Variants in GIMAP8 observed in about 807,000 individuals in gnomAD.
GIMAP8 encodes the protein GTPase IMAP family member 8.
In GIMAP8, 29 loss-of-function variants were observed where a neutral mutation model predicts 35.6. The observed-to-expected ratio is 0.81, with a 90% CI of 0.61 to 1.11. GIMAP8 has a LOEUF of 1.11. GIMAP8 is among the 50% of genes most tolerant of loss of function. The pLI is 0.00. For missense variants in GIMAP8, 811 were observed against 805.0 expected, an observed-to-expected ratio of 1.01 and a Z score of -0.09; for synonymous variants, 335 against 308.7, an observed-to-expected ratio of 1.09 and a Z score of -0.89.
chr7:150,454,076 G>A (rs993765938), intron 1 of GIMAP8, among the ~76,000 whole-genome samples: 1 of 152,126 alleles, frequency 6.6e-6, no homozygotes, highest in African/African-American at 2.4e-5. Context: ...GTCTGCAAGG[G>A]ACAATGCCCC....
chr7:150,476,926 G>A (rs1409992407), intron 4 of GIMAP8, among the ~76,000 whole-genome samples, 166 bp from the exon 5 acceptor site: 3 of 152,346 alleles, frequency 2.0e-5, no homozygotes, highest in Middle Eastern at 3.4e-3. Context: ...ACTGGGCCAA[G>A]TCATTCCCGT....
intron 1 of GIMAP8, among the ~76,000 whole-genome samples, chr7:150,456,240 A>G (rs957038553): frequency 3.9e-5 from 6 of 152,210 alleles, no homozygotes; most frequent in Non-Finnish European, 5.9e-5. Flanking sequence ...CTTAGTGGCT[A>G]AAACCCCACC....
intron 1 of GIMAP8, among the ~76,000 whole-genome samples, chr7:150,452,600 T>C (rs1043658282): frequency 6.8e-6 from 1 of 147,718 alleles, no homozygotes; most frequent in Non-Finnish European, 1.5e-5. Flanking sequence ...TATATATGTA[T>C]ATATGTATGT....
Position 150,466,832 on chromosome 7 carries a change from T to C in GIMAP8, c.134T>C (p.Val45Ala). 4 of 1,614,230 alleles carry C rather than the reference T, an allele frequency of 2.5e-6. No homozygotes were observed. Among genetic ancestry groups the C allele is most frequent in the Non-Finnish European group, 3.4e-6 (4 of 1,180,030 alleles). The change falls in exon 2 of 5, where the codon GTG (valine) becomes GCG (alanine). Residue 45 changes from valine (V) to alanine (A), a missense_variant. By Grantham distance (64) the Val-to-Ala change is moderately conservative (BLOSUM62 0). Coordinates refer to ENST00000307271, the MANE Select transcript of GIMAP8 (RefSeq NM_175571.4). Reference sequence around the variant, plus strand: ...AAGTCCAAGTTCAGTGATCAGACAGTGATCAAAATGTGCCAGAGAGAGAGT... The same window carrying C: ...AAGTCCAAGTTCAGTGATCAGACAGCGATCAAAATGTGCCAGAGAGAGAGT... Reference protein sequence around the residue: ...VFKSKFSDQTVIKMCQRESWV... With the variant: ...VFKSKFSDQTAIKMCQRESWV...
At chr7:150,466,034 T>C (rs774362386) in intron 1 of GIMAP8, among the ~76,000 whole-genome samples, 4 of 152,220 alleles carry the variant, frequency 2.6e-5, no homozygotes, top group Non-Finnish European at 5.9e-5. Context: ...ACCATGGTCA[T>C]ACCCACCACA....
chr7:150,462,061 G>A (rs1472009794), intron 1 of GIMAP8, among the ~76,000 whole-genome samples: 2 of 152,176 alleles, frequency 1.3e-5, no homozygotes, highest in African/African-American at 4.8e-5. Flanking sequence ...ATCTCACAAA[G>A]TACATTCTCA....
At chr7:150,466,556 T>C in intron 1 of GIMAP8, 115 bp from the exon 2 acceptor site, 1 of 837,138 alleles carries the variant, frequency 1.2e-6, no homozygotes, top group Admixed American at 2.8e-5. Flanking sequence ...AGAACTTCAG[T>C]AGCTCAAATT....
Position 150,467,253 on chromosome 7 carries a change from C to T in GIMAP8, c.555C>T (p.Leu185=). The change falls in exon 2 of 5, where the codon CTC becomes CTT. Residue 185 remains leucine (L), a synonymous_variant. Coordinates refer to ENST00000307271, the MANE Select transcript of GIMAP8 (RefSeq NM_175571.4). ...AGCAGATCACCCAGGTGTTGGAGCT[C>T]CTTCGCAAGGTTGAGTCTTTGGTGA... ...KDEQITQVLE[L]LRKVESLVNT... The T allele has an allele frequency of 1.9e-6, 3 of 1,614,224 alleles. No homozygotes were observed. Among genetic ancestry groups the T allele is most frequent in the Non-Finnish European group, 1.7e-6 (2 of 1,180,038 alleles).
intron 3 of GIMAP8, among the ~76,000 whole-genome samples, 168 bp from the exon 4 acceptor site, chr7:150,473,844 G>A (rs1376474981): frequency 6.6e-6 from 1 of 152,088 alleles, no homozygotes; most frequent in African/African-American, 2.4e-5. Context: ...GCCCCTGTTT[G>A]TGGCTTTCAC....
rs1283670036 is a variant in GIMAP8, at chr7:150,472,430, C to G, written c.682+1556C>G. ...GGCAATGCTGTTGTTTTTGTGTGCT[C>G]AGATACGATTGCAGAGTGGTTGTGG... On this transcript the variant is annotated intron_variant, in intron 3 of 4. Transcript: ENST00000307271. This position sits in a 1 kb window ranked among gnomAD's most constrained non-coding sequence, Gnocchi z 4.1. Among the ~76,000 whole-genome samples the G allele has an allele frequency of 6.6e-6, 1 of 152,170 alleles. No individual in the cohort carries two copies. The highest frequency in any genetic ancestry group is 6.5e-5 in the Admixed American group (1 of 15,276).
rs1282959747 is a variant in GIMAP8, at chr7:150,477,167, T to C, written c.1385T>C (p.Leu462Pro). ...ACCGGGAACTCTATCCTGGGGAGCC[T>C]CGTCTTCACCTCTCGGCTCCGGGCC... Reference protein sequence around the residue: ...SATGNSILGSLVFTSRLRAQP... With the variant: ...SATGNSILGSPVFTSRLRAQP... Residue 462 changes from leucine (L) to proline (P), a missense_variant, in exon 5 of 5, where the codon CTC (leucine) becomes CCC (proline). Transcript: ENST00000307271. 9 of 1,613,818 alleles carry C rather than the reference T, an allele frequency of 5.6e-6. No homozygotes were observed. In the East Asian group the frequency reaches 2.0e-4, roughly 36 times the overall value.
Position 150,477,232 on chromosome 7 carries a change from T to C in GIMAP8, c.1450T>C (p.Trp484Arg), listed in dbSNP as rs746420800. 3 of 1,613,984 alleles carry C rather than the reference T, an allele frequency of 1.9e-6. No individual in the cohort carries two copies. The highest frequency in any genetic ancestry group is 2.2e-5 in the East Asian group (1 of 44,868). Residue 484 changes from tryptophan (W) to arginine (R), a missense_variant, in exon 5 of 5, where the codon TGG becomes CGG. Coordinates refer to ENST00000307271, the MANE Select transcript of GIMAP8 (RefSeq NM_175571.4). Reference sequence around the variant, plus strand: ...GACCAGCCAGAGTGGCAGGAGGACATGGGACGGACAGGAGGTGGTGGTTGT... The same window carrying C: ...GACCAGCCAGAGTGGCAGGAGGACACGGGACGGACAGGAGGTGGTGGTTGT... ...TKTSQSGRRT[W>R]DGQEVVVVDT...
In GIMAP8 at chr7:150,467,121, T is replaced by C. The variant is rs1262077421; in HGVS notation, c.423T>C (p.Asp141=). Reference sequence around the variant, plus strand: ...TCACTCGGAAGGATGATTTGGGGGATGACTTGCTGCAAGATTTCATTGAAA... The same window carrying C: ...TCACTCGGAAGGATGATTTGGGGGACGACTTGCTGCAAGATTTCATTGAAA... ...IVFTRKDDLG[D]DLLQDFIEKN... Residue 141 remains aspartate, a synonymous_variant, in exon 2 of 5, where the codon GAT becomes GAC. Transcript: ENST00000307271. 1 of 1,614,184 alleles carries C rather than the reference T, an allele frequency of 6.2e-7. No individual in the cohort carries two copies. The highest frequency in any genetic ancestry group is 1.7e-5 in the Admixed American group (1 of 60,028).
At position 150,474,579 on chromosome 7, in the gene GIMAP8, A is replaced by G; in HGVS notation, c.1250A>G (p.Glu417Gly). The G allele has an allele frequency of 1.2e-6, 2 of 1,613,132 alleles. No individual in the cohort carries two copies. The highest frequency in any genetic ancestry group is 1.7e-6 in the Non-Finnish European group (2 of 1,179,678). ...EEQRQADELLEKIESMVHQNG... is the reference protein window; with the variant it reads ...EEQRQADELLGKIESMVHQNG... ...CAAAGGCAGGCGGACGAGCTCCTGG[A>G]AAAAATTGAGAGCATGGTGCATCAG... The change falls in exon 4 of 5, where the codon GAA (glutamate) becomes GGA (glycine). Residue 417 changes from glutamate (E) to glycine (G), a missense_variant. Physicochemically the swap from Glu to Gly is moderately conservative, Grantham distance 98 (BLOSUM62 -2). Transcript: ENST00000307271.
chr7:150,470,786 G>A, intron 2 of GIMAP8, 43 bp from the exon 3 acceptor site: 1 of 733,406 alleles, frequency 1.4e-6, no homozygotes, highest in Non-Finnish European at 2.2e-6. Context: ...TGGAAGATGA[G>A]GTTTTAGATC....
rs577594914 is a variant in GIMAP8, at chr7:150,469,702, G to T, written c.637-1127G>T. On this transcript the variant is annotated intron_variant, in intron 2 of 4. Transcript: ENST00000307271. Reference sequence around the variant, plus strand: ...TAGAGCCATACTTTTAGAACTCTATGCCCTGGAAATAAAAAAAAAAAGGTA... The same window carrying T: ...TAGAGCCATACTTTTAGAACTCTATTCCCTGGAAATAAAAAAAAAAAGGTA... 6.0e-5 allele frequency among the ~76,000 whole-genome samples: 9 copies of T among 151,238 alleles called. No individual in the cohort carries two copies. In the East Asian group the frequency reaches 1.7e-3, roughly 29 times the overall value.
intron 1 of GIMAP8, among the ~76,000 whole-genome samples, chr7:150,460,585 T>C (rs975230785): frequency 2.0e-5 from 3 of 152,238 alleles, no homozygotes; most frequent in African/African-American, 7.2e-5. Context: ...ATTGGTGCTA[T>C]AGTGATGAAG....
intron 1 of GIMAP8, among the ~76,000 whole-genome samples, chr7:150,463,526 T>A (rs1208915719): frequency 2.6e-5 from 4 of 152,176 alleles, no homozygotes; most frequent in Non-Finnish European, 5.9e-5. Flanking sequence ...ATATCTCTAG[T>A]GTTGATTGGG....
Position 150,467,274 on chromosome 7 carries a change from G to A in GIMAP8, c.576G>A (p.Leu192=). 6.2e-7 allele frequency: 1 copy of A among 1,614,228 alleles called. No individual in the cohort carries two copies. Among genetic ancestry groups the A allele is most frequent in the Non-Finnish European group, 8.5e-7 (1 of 1,180,032 alleles). ...VLELLRKVES[L]VNTNGGPYHV... ...AGCTCCTTCGCAAGGTTGAGTCTTT[G>A]GTGAATACGAACGGAGGACCCTATC... The change falls in exon 2 of 5, where the codon TTG becomes TTA. Residue 192 remains leucine (L), a synonymous_variant. Coordinates refer to ENST00000307271, the MANE Select transcript of GIMAP8 (RefSeq NM_175571.4).
Sources: gnomAD v4.1 joint callset for allele counts (sites outside exome capture counted in the v4.1 genomes callset) on GRCh38, gnomAD v4.1.1 for gene constraint, Gnocchi (gnomAD v3.1) non-coding constraint, MANE v1.5 for transcripts, NCBI Gene and HGNC (gene_info 2026-07-23, HGNC 2026-07-21) for gene names.